Variants in TPRG1 observed in about 807,000 individuals in gnomAD.
TPRG1 encodes the protein tumor protein p63-regulated gene 1 protein.
A neutral mutation model predicts 29.3 loss-of-function variants in TPRG1; 29 were observed. The observed-to-expected ratio is 0.99, with a 90% CI of 0.74 to 1.35. TPRG1 has a LOEUF of 1.35. TPRG1 is among the 40% of genes most tolerant of loss of function. The pLI is 0.00. For synonymous variants in TPRG1, 130 were observed against 116.8 expected, an observed-to-expected ratio of 1.11 and a Z score of -0.73; for missense variants, 327 against 335.0, an observed-to-expected ratio of 0.98 and a Z score of 0.19.
At chr3:189,142,099 A>G (rs572919578) in intron 3 of TPRG1, among the ~76,000 whole-genome samples, 65 of 152,330 alleles carry the variant, frequency 4.3e-4, no homozygotes, top group African/African-American at 1.2e-3. Context: ...AGGTGGCTCC[A>G]CTAAGGAAGA....
chr3:189,187,056 G>A lies in TPRG1; in HGVS notation c.-10+14925G>A, dbSNP rs375315950. 1.3e-4 allele frequency among the ~76,000 whole-genome samples: 16 copies of A among 124,016 alleles called. No homozygotes were observed. The South Asian group carries it at 1.3e-3, about 10-fold the overall frequency. The allele number at this position is 124,016 out of a possible 152,430, so 81.4% of individuals were successfully genotyped here. Reference sequence around the variant, plus strand: ...GCCTGGATCACAGTGGCACCATTTCGGCTCACTGCAACACTTGCCTCTCAG... The same window carrying A: ...GCCTGGATCACAGTGGCACCATTTCAGCTCACTGCAACACTTGCCTCTCAG... On this transcript the variant is annotated intron_variant, in intron 1 of 5. Transcript: ENST00000345063.
intron 4 of TPRG1, among the ~76,000 whole-genome samples, chr3:189,061,070 A>T (rs1716073685): frequency 6.6e-6 from 1 of 152,246 alleles, no homozygotes; most frequent in Admixed American, 6.5e-5. Flanking sequence ...AGTAACCTGA[A>T]CAGCATGATA....
intron 1 of TPRG1, chr3:189,000,645 T>C (rs983178904): frequency 6.6e-6 from 1 of 152,160 alleles, no homozygotes; most frequent in Non-Finnish European, 1.5e-5. Context: ...CTCTGTTTCA[T>C]TTGGCCATCT....
chr3:189,020,239 TG>T (rs1477665410), intron 3 of TPRG1, among the ~76,000 whole-genome samples: 4 of 150,562 alleles, frequency 2.7e-5, no homozygotes, highest in African/African-American at 9.7e-5. Flanking sequence ...CCTTCAGTTC[TG>T]CTCTGATTTT....
Position 189,006,887 on chromosome 3 carries a change from G to A in TPRG1, c.-660+2127G>A, listed in dbSNP as rs549060849. Among the ~76,000 whole-genome samples, 16 of 151,980 alleles carry A rather than the reference G, an allele frequency of 1.1e-4. 1 individual carries two copies. Among genetic ancestry groups the A allele is most frequent in the Non-Finnish European group, 1.5e-4 (10 of 67,986 alleles). ...GACTTGAGTCATTGCTACAGAGACC[G>A]CATGGCCTGCAAAATTTAAAATATT... On this transcript the variant is annotated intron_variant, in intron 3 of 10. Transcript: ENST00000433971.
chr3:189,169,192 T>C (rs1373842656), upstream of TPRG1, among the ~76,000 whole-genome samples: 1 of 152,038 alleles, frequency 6.6e-6, no homozygotes, highest in Non-Finnish European at 1.5e-5. Flanking sequence ...TGAGATGGAG[T>C]CTCACTCTGG....
upstream of TPRG1, among the ~76,000 whole-genome samples, chr3:189,167,407 C>T (rs1275461872): frequency 6.6e-6 from 1 of 152,176 alleles, no homozygotes; most frequent in African/African-American, 2.4e-5. Flanking sequence ...GAGCCCTTCT[C>T]CCTGCCATGA....
At chr3:189,052,595 C>T (rs1715396216) in intron 4 of TPRG1, among the ~76,000 whole-genome samples, 1 of 152,146 alleles carries the variant, frequency 6.6e-6, no homozygotes, top group Admixed American at 6.5e-5. Context: ...TACTGGGTAT[C>T]TACCAGAGGA....
intron 3 of TPRG1, among the ~76,000 whole-genome samples, chr3:189,220,443 T>C (rs1389061663): frequency 1.3e-5 from 2 of 152,202 alleles, no homozygotes; most frequent in African/African-American, 4.8e-5. Context: ...TATTTTTAAC[T>C]TTTATTTTAA....
intron 3 of TPRG1, among the ~76,000 whole-genome samples, chr3:189,007,513 G>C (rs986012009): frequency 3.3e-5 from 5 of 151,622 alleles, no homozygotes; most frequent in African/African-American, 9.7e-5. Flanking sequence ...TCTAGAACTA[G>C]AAATACCATT....
chr3:189,213,104 G>C (rs567562003), intron 2 of TPRG1, among the ~76,000 whole-genome samples: 34 of 152,118 alleles, frequency 2.2e-4, no homozygotes, highest in Middle Eastern at 3.4e-3. Flanking sequence ...CCCAAATTCT[G>C]GTATAACTAT....
At chr3:189,205,555 T>G (rs997681403) in intron 1 of TPRG1, among the ~76,000 whole-genome samples, 2 of 152,256 alleles carry the variant, frequency 1.3e-5, no homozygotes, top group Non-Finnish European at 2.9e-5. Context: ...GATAGGGGCT[T>G]CTTCTCACCT....
chr3:189,309,863 C>T (rs1302099055), intron 4 of TPRG1: 1 of 152,406 alleles, frequency 6.6e-6, no homozygotes, highest in Non-Finnish European at 1.5e-5. Context: ...GAATAGAGGA[C>T]AATGAGATTC....
chr3:189,071,067 G>GA (rs74731300), intron 4 of TPRG1, among the ~76,000 whole-genome samples: 784 of 76,200 alleles, frequency 0.01, 6 homozygotes, highest in Admixed American at 0.04. Flanking sequence ...CAAAGAAAAA[G>GA]AAAAAAAAAA....
chr3:189,266,139 C>T (rs1183084364), intron 4 of TPRG1, among the ~76,000 whole-genome samples: 1 of 152,120 alleles, frequency 6.6e-6, no homozygotes, highest in Non-Finnish European at 1.5e-5. Flanking sequence ...GGCTCATATA[C>T]TAATTTGTAA....
chr3:189,056,988 C>T (rs1715743243), intron 4 of TPRG1, among the ~76,000 whole-genome samples: 1 of 152,208 alleles, frequency 6.6e-6, no homozygotes, highest in Admixed American at 6.5e-5. Flanking sequence ...TCACTTCCCC[C>T]TGAGGATAAT....
chr3:189,195,206 T>G (rs1357568419), intron 1 of TPRG1, among the ~76,000 whole-genome samples: 2 of 152,068 alleles, frequency 1.3e-5, no homozygotes, highest in Non-Finnish European at 2.9e-5. Flanking sequence ...GCTTAGGTAC[T>G]GGGGTGCATG....
chr3:189,055,339 A>C (rs1029201663), intron 4 of TPRG1, among the ~76,000 whole-genome samples: 1 of 152,184 alleles, frequency 6.6e-6, no homozygotes, highest in African/African-American at 2.4e-5. Context: ...AATTTTAAGG[A>C]AATGTTCCCA....
At position 189,219,798 on chromosome 3, in the gene TPRG1, G is replaced by T. The variant is rs1736671716; in HGVS notation, c.302+4415G>T. ...TTCTTCTTATTCCTCATTGAGAGTAGTTGCCTAAGGTATTTAAAAACCGGT... is the reference window on the plus strand; with the variant it reads ...TTCTTCTTATTCCTCATTGAGAGTATTTGCCTAAGGTATTTAAAAACCGGT... On this transcript the variant is annotated intron_variant, in intron 3 of 5. Transcript: ENST00000345063. 3 of 1,075,224 alleles carry T rather than the reference G, an allele frequency of 2.8e-6. No homozygotes were observed. The African/African-American group carries it at 5.1e-5, about 18-fold the overall frequency. The allele number at this position is 1,075,224 out of a possible 1,614,324, so 66.6% of individuals were successfully genotyped here.
Sources: allele counts gnomAD v4.1 joint callset (sites outside exome capture counted in the v4.1 genomes callset), GRCh38; gene constraint gnomAD v4.1.1; transcripts MANE v1.5; gene names NCBI Gene and HGNC (gene_info 2026-07-23, HGNC 2026-07-21).